EFCAB6: variants seen among roughly 807,000 people sequenced by gnomAD.
EFCAB6 encodes EF-hand calcium binding domain 6, also known as EF-hand calcium-binding domain-containing protein 6.
Under a neutral mutation model 169.8 loss-of-function variants are expected in EFCAB6, and 156 were observed. That is an observed-to-expected ratio of 0.92 (90% CI 0.81 to 1.05). EFCAB6 has a LOEUF of 1.05. Ranked by LOEUF, EFCAB6 falls within the 50% of genes least tolerant of loss-of-function variation. The probability of loss-of-function intolerance (pLI) is 0.00; values close to 1 mark genes in which losing one functional copy is unlikely to be tolerated. For missense variants in EFCAB6, 1,800 were observed against 1,829.1 expected (o/e 0.98, Z 0.29); for synonymous variants, 698 against 676.4 (o/e 1.03, Z -0.50).
chr22:43,752,750 TAGTC>T (rs2060817303), intron 6 of EFCAB6, among the ~76,000 whole-genome samples: 1 of 152,294 alleles, frequency 6.6e-6, no homozygotes, highest in Non-Finnish European at 1.5e-5. Context: ...GTAGGTGTGT[TAGTC>T]AGTCCTAGTC....
intron 22 of EFCAB6, among the ~76,000 whole-genome samples, chr22:43,605,427 G>A (rs1454877523): frequency 6.6e-6 from 1 of 152,060 alleles, no homozygotes; most frequent in South Asian, 2.1e-4. Context: ...GGCAGATCAC[G>A]AGGTCAAGAG....
chr22:43,579,425 T>C (rs374711428), intron 25 of EFCAB6, among the ~76,000 whole-genome samples: 154 of 143,064 alleles, frequency 1.1e-3, no homozygotes, highest in Middle Eastern at 4.5e-3. Flanking sequence ...ATTCTGTACA[T>C]GCAGGCATCA....
chr22:43,640,845 T>C (rs1020568913), intron 17 of EFCAB6, among the ~76,000 whole-genome samples: 2 of 152,166 alleles, frequency 1.3e-5, no homozygotes, highest in African/African-American at 4.8e-5. Context: ...GCTGGTCCAG[T>C]AGAAGCTTAC....
chr22:43,675,273 CTA>C (rs1355270406), intron 13 of EFCAB6, among the ~76,000 whole-genome samples: 1 of 123,018 alleles, frequency 8.1e-6, no homozygotes, highest in Non-Finnish European at 1.7e-5. Flanking sequence ...ATATATTATG[CTA>C]TAATATAATT....
intron 8 of EFCAB6, among the ~76,000 whole-genome samples, chr22:43,730,290 G>A (rs2059902527): frequency 3.1e-5 from 3 of 97,538 alleles, no homozygotes; most frequent in East Asian, 3.2e-4. Flanking sequence ...GATGGAGGGA[G>A]GGATGGAGTT....
At chr22:43,796,966 C>T (rs1218948759) in intron 2 of EFCAB6, among the ~76,000 whole-genome samples, 1 of 152,172 alleles carries the variant, frequency 6.6e-6, no homozygotes, top group African/African-American at 2.4e-5. Context: ...TCATGCTGAG[C>T]ACCAAATTAA....
chr22:43,608,603 A>G lies in EFCAB6; in HGVS notation c.2563-3T>C. The G allele has an allele frequency of 6.2e-7, 1 of 1,613,648 alleles. No homozygotes were observed. Among genetic ancestry groups the G allele is most frequent in the Non-Finnish European group, 8.5e-7 (1 of 1,179,538 alleles). ...TCATTATCGGTTTCTAGAAAATTCT[A>G]CAACATCAGAATACGGTATTTAGGA... is the stretch of plus-strand genomic sequence containing the variant. On this transcript the variant is annotated splice_region_variant and splice_polypyrimidine_tract_variant and intron_variant, in intron 21 of 31. Transcript: ENST00000262726.
At chr22:43,682,819 G>T (rs2147103574) in intron 12 of EFCAB6, among the ~76,000 whole-genome samples, 1 of 152,360 alleles carries the variant, frequency 6.6e-6, no homozygotes, top group South Asian at 2.1e-4. Flanking sequence ...CATTCAGAGA[G>T]ACCAAGTCAC....
chr22:43,798,181 C>G (rs917193936), intron 2 of EFCAB6, among the ~76,000 whole-genome samples: 5 of 152,026 alleles, frequency 3.3e-5, no homozygotes, highest in African/African-American at 1.2e-4. Context: ...GTCAGGAGTT[C>G]AAGACCAGCC....
intron 2 of EFCAB6, among the ~76,000 whole-genome samples, chr22:43,794,284 G>T (rs955049150): frequency 1.2e-4 from 19 of 152,202 alleles, no homozygotes; most frequent in African/African-American, 4.6e-4. Context: ...ATTTTGCTGG[G>T]CACTGGGTGT....
chr22:43,732,569 C>T (rs892193962), intron 7 of EFCAB6, among the ~76,000 whole-genome samples: 5 of 148,490 alleles, frequency 3.4e-5, no homozygotes, highest in African/African-American at 7.5e-5. Context: ...CCAGTTCAAG[C>T]GATTCTCGTG....
At chr22:43,688,582 T>G (rs1183169767) in intron 10 of EFCAB6, among the ~76,000 whole-genome samples, 1 of 152,204 alleles carries the variant, frequency 6.6e-6, no homozygotes, top group African/African-American at 2.4e-5. Context: ...TGATGTGACC[T>G]CAGACTCGCT....
At chr22:43,617,661 C>G (rs918447579) in intron 20 of EFCAB6, among the ~76,000 whole-genome samples, 1 of 152,186 alleles carries the variant, frequency 6.6e-6, no homozygotes, top group Admixed American at 6.5e-5. Context: ...TCCTTCCTAT[C>G]AGTCAGCTCG....
intron 2 of EFCAB6, 104 bp downstream of exon 2, chr22:43,808,891 A>G (rs2063012901): frequency 6.6e-6 from 1 of 152,210 alleles, no homozygotes; most frequent in Non-Finnish European, 1.5e-5. Flanking sequence ...GTTGCTAAGT[A>G]AATGAGCAAA....
At chr22:43,719,681 T>C (rs2059454367) in intron 8 of EFCAB6, among the ~76,000 whole-genome samples, 1 of 152,238 alleles carries the variant, frequency 6.6e-6, no homozygotes, top group Admixed American at 6.5e-5. Context: ...TTACTAGCTA[T>C]GCAATGGTGT....
chr22:43,553,747 C>A (rs2048522743), intron 27 of EFCAB6: 1 of 152,376 alleles, frequency 6.6e-6, no homozygotes, highest in East Asian at 1.9e-4. Flanking sequence ...GTGCTCTTGG[C>A]CTTGGAAGGC....
At chr22:43,627,596 C>T (rs1347161456) in intron 19 of EFCAB6, among the ~76,000 whole-genome samples, 3 of 152,186 alleles carry the variant, frequency 2.0e-5, no homozygotes, top group Non-Finnish European at 4.4e-5. Flanking sequence ...AGGCTCTGCC[C>T]GGGGCCAATG....
chr22:43,609,901 C>T (rs1307865257), intron 21 of EFCAB6, among the ~76,000 whole-genome samples: 2 of 152,196 alleles, frequency 1.3e-5, no homozygotes, highest in Admixed American at 1.3e-4. Flanking sequence ...TACCCACGGG[C>T]TGTGATGTAG....
intron 7 of EFCAB6, 22 bp from the exon 8 acceptor site, chr22:43,731,833 G>T: frequency 1.4e-6 from 2 of 1,450,728 alleles, no homozygotes; most frequent in South Asian, 1.4e-5. Context: ...ATGTTCTTTA[G>T]TAATGAGAAA....
Sources: allele counts gnomAD v4.1 joint callset (sites outside exome capture counted in the v4.1 genomes callset), GRCh38; gene constraint gnomAD v4.1.1; transcripts MANE v1.5; gene names NCBI Gene and HGNC (gene_info 2026-07-23, HGNC 2026-07-21).